Variants in CXADR observed in about 807,000 individuals in gnomAD.
CXADR encodes coxsackievirus and adenovirus receptor.
A neutral mutation model predicts 40.3 loss-of-function variants in CXADR; 20 were observed. The observed-to-expected ratio is 0.50, with a 90% confidence interval of 0.35 to 0.72. The LOEUF (loss-of-function observed/expected upper bound fraction) is 0.72, where lower values mean the gene tolerates loss of function less well. Among genes scored for constraint, CXADR ranks in the 30% least tolerant of loss-of-function variants. The pLI, the probability that CXADR is intolerant of heterozygous loss-of-function variation, is 0.01. For synonymous variants in CXADR, 150 were observed against 161.3 expected (o/e 0.93, Z 0.53); for missense variants, 332 against 449.1 (o/e 0.74, Z 2.36).
In CXADR at chr21:17,566,655, G is replaced by C; in HGVS notation, c.*963G>C. 1.0e-6 allele frequency: 1 copy of C among 984,730 alleles called. No individual in the cohort carries two copies. The highest frequency in any genetic ancestry group is 1.2e-6 in the Non-Finnish European group (1 of 829,500). The allele number at this position is 984,730 out of a possible 1,614,324, so 61.0% of individuals were successfully genotyped here. A position where few individuals can be genotyped will look rare whatever the true frequency, so the allele number is the denominator to read the frequency against. On this transcript the variant is annotated 3_prime_UTR_variant, in exon 7 of 7. Coordinates refer to ENST00000284878, the MANE Select transcript of CXADR (RefSeq NM_001338.5). ...AATTTTAAGTGGTTCTTTGGTTCCA[G>C]TGCTTTATGTTGTTGTTGTTTTTGG...
chr21:17,530,924 A>G (rs752854628), intron 1 of CXADR, among the ~76,000 whole-genome samples: 2 of 152,362 alleles, frequency 1.3e-5, no homozygotes, highest in Non-Finnish European at 1.5e-5. Flanking sequence ...TAGGTTATAC[A>G]TAAGTTTCAC....
rs567553353 is a variant in CXADR at position 17,585,808 on chromosome 21, G to A, written c.1018-7344G>A. Among the ~76,000 whole-genome samples, 25 of 152,086 alleles carry A rather than the reference G, an allele frequency of 1.6e-4. 1 individual carries two copies. The East Asian group carries it at 3.5e-3, about 21-fold the overall frequency. ...GCTGGGATTACAGGCATGAGCCACC[G>A]CGCCCGGTTTTAATTCTTTTCTTAA... On this transcript the variant is annotated intron_variant, in intron 7 of 7. Transcript: ENST00000400169.
At chr21:17,613,587 G>GA in the CXADR span, 7 of 152,264 alleles carry the variant, frequency 4.6e-5, no homozygotes, top group Non-Finnish European at 1.0e-4. Context: ...TTGCATAAAG[G>GA]AGAGGCTCCA....
At chr21:17,574,138 A>G (rs1209616411), downstream of CXADR, among the ~76,000 whole-genome samples, 1 of 152,226 alleles carries the variant, frequency 6.6e-6, no homozygotes, top group Non-Finnish European at 1.5e-5. Flanking sequence ...CACAAAGTAT[A>G]GAGTGAAATC....
chr21:17,546,665 T>C (rs575604139), intron 1 of CXADR, among the ~76,000 whole-genome samples: 36 of 152,306 alleles, frequency 2.4e-4, no homozygotes, highest in African/African-American at 8.2e-4. Context: ...ACATGAGATT[T>C]GGGCGGGGTC....
chr21:17,561,178 A>G (rs1021703046), intron 5 of CXADR, among the ~76,000 whole-genome samples, 160 bp from the exon 6 acceptor site: 9 of 152,188 alleles, frequency 5.9e-5, no homozygotes, highest in African/African-American at 2.2e-4. Flanking sequence ...AGTTCAGAAG[A>G]CAGTTCTTTT....
chr21:17,597,654 T>C (rs147667265), downstream of CXADR, among the ~76,000 whole-genome samples: 781 of 151,994 alleles, frequency 5.1e-3, 8 homozygotes, highest in African/African-American at 0.018. Context: ...CATACACATA[T>C]ACATAGAATC....
At chr21:17,564,142 C>T (rs1012561663) in intron 6 of CXADR, among the ~76,000 whole-genome samples, 2 of 151,496 alleles carry the variant, frequency 1.3e-5, no homozygotes, top group African/African-American at 4.8e-5. Context: ...AGTTATTCTT[C>T]GGTATCCATG....
intron 7 of CXADR, among the ~76,000 whole-genome samples, chr21:17,591,800 G>A (rs1002037441): frequency 7.2e-5 from 11 of 151,744 alleles, no homozygotes; most frequent in African/African-American, 2.4e-4. Context: ...AGTTGTCTAA[G>A]GGAGACAAAC....
chr21:17,515,406 A>G (rs2123088951), intron 1 of CXADR, among the ~76,000 whole-genome samples: 1 of 152,150 alleles, frequency 6.6e-6, no homozygotes, highest in East Asian at 1.9e-4. Flanking sequence ...TAAGATCATG[A>G]CGCTGCTCTC....
intron 6 of CXADR, 113 bp from the exon 7 acceptor site, chr21:17,565,300 CACACACACACACACT>C: frequency 1.1e-6 from 1 of 908,346 alleles, no homozygotes; most frequent in South Asian, 1.8e-5. Context: ...CACACACACA[CACACACACACACACT>C]TTTATATGTT....
intron 3 of CXADR, among the ~76,000 whole-genome samples, chr21:17,553,081 C>A (rs182395784): frequency 0.013 from 2,054 of 152,218 alleles, 44 homozygotes; most frequent in African/African-American, 0.045. Flanking sequence ...CACCACCACG[C>A]CTGGCTAATT....
chr21:17,568,050 A>G lies in CXADR; in HGVS notation c.*2358A>G. 1.0e-6 allele frequency: 1 copy of G among 985,146 alleles called. No individual in the cohort carries two copies. The highest frequency in any genetic ancestry group is 1.1e-4 in the East Asian group (1 of 8,810). 61.0% of individuals were successfully genotyped at this position (985,146 alleles called of 1,614,324 possible). On this transcript the variant is annotated 3_prime_UTR_variant, in exon 7 of 7. Transcript: ENST00000284878. The stretch of plus-strand genomic sequence containing the variant: ...GAGATCAAATATTTGCTCCCGAATT[A>G]CTACTGGTAATCAAGTAGTTGAACA...
the CXADR span, among the ~76,000 whole-genome samples, chr21:17,603,361 T>G: frequency 1.3e-5 from 2 of 152,152 alleles, no homozygotes; most frequent in Non-Finnish European, 2.9e-5. Flanking sequence ...AAAGAAGTAT[T>G]GGAGAATGTT....
At chr21:17,541,009 G>A (rs1377803224) in intron 1 of CXADR, among the ~76,000 whole-genome samples, 2 of 151,978 alleles carry the variant, frequency 1.3e-5, no homozygotes, top group East Asian at 3.9e-4. Context: ...GCAAAATCGA[G>A]CAGAAAGTAC....
chr21:17,521,027 A>T (rs978962113), intron 1 of CXADR, among the ~76,000 whole-genome samples: 4 of 152,188 alleles, frequency 2.6e-5, no homozygotes, highest in Non-Finnish European at 2.9e-5. Context: ...AGACTTGAGA[A>T]TTCACTGCTG....
At chr21:17,515,447 C>CAA (rs796764694) in intron 1 of CXADR, among the ~76,000 whole-genome samples, 22 of 137,930 alleles carry the variant, frequency 1.6e-4, no homozygotes, top group African/African-American at 5.8e-4. Context: ...GACTCTGTCT[C>CAA]AAAAAAAAAA....
chr21:17,629,187 C>G, the CXADR span, among the ~76,000 whole-genome samples: 1 of 151,868 alleles, frequency 6.6e-6, no homozygotes, highest in Non-Finnish European at 1.5e-5. Flanking sequence ...TGAGACCAGT[C>G]TGGCCAACAT....
intron 2 of CXADR, among the ~76,000 whole-genome samples, chr21:17,550,305 G>A (rs886468958): frequency 1.4e-5 from 2 of 146,854 alleles, no homozygotes; most frequent in Non-Finnish European, 3.0e-5. Flanking sequence ...ATTGAGCCAA[G>A]ATCGCACCAC....
Sources: gnomAD v4.1 joint callset for allele counts (sites outside exome capture counted in the v4.1 genomes callset) on GRCh38, gnomAD v4.1.1 for gene constraint, MANE v1.5 for transcripts, NCBI Gene and HGNC (gene_info 2026-07-23, HGNC 2026-07-21) for gene names.